Variants in CDH23 observed in about 807,000 individuals in gnomAD.
CDH23 encodes cadherin-23.
Under a neutral mutation model 317.1 loss-of-function variants are expected in CDH23, and 189 were observed. The ratio of observed to expected loss-of-function variants is 0.60; its 90% CI spans 0.53 to 0.67. The LOEUF (loss-of-function observed/expected upper bound fraction) is 0.67. CDH23 is among the 30% of genes least tolerant of loss of function. The pLI is 0.00. For synonymous variants in CDH23, 1,839 were observed against 1,876.8 expected, an observed-to-expected ratio of 0.98 and a Z score of 0.52; for missense variants, 4,401 against 4,592.4, an observed-to-expected ratio of 0.96 and a Z score of 1.20.
At chr10:71,716,394 C>A in intron 28 of CDH23, 1 of 1,424,886 alleles carries the variant, frequency 7.0e-7, no homozygotes, top group Non-Finnish European at 9.3e-7. Flanking sequence ...GGACCCAGGG[C>A]AGCGGGTATA....
Position 71,548,315 on chromosome 10 carries a change from T to C in CDH23, c.430-18427T>C, listed in dbSNP as rs553556946. Among the ~76,000 whole-genome samples the C allele has an allele frequency of 2.0e-5, 3 of 152,276 alleles. No homozygotes were observed. The South Asian group carries it at 6.2e-4, about 32-fold the overall frequency. On this transcript the variant is annotated intron_variant, in intron 6 of 69. Coordinates refer to ENST00000224721, the MANE Select transcript of CDH23 (RefSeq NM_022124.6). ...CGTGGTGGAGGGGGGTGATGGCATA[T>C]GGACTTGAGCTCCTAATCCAGTGGC...
intron 14 of CDH23, among the ~76,000 whole-genome samples, chr10:71,671,737 C>A (rs967169388): frequency 6.6e-6 from 1 of 152,138 alleles, no homozygotes; most frequent in Non-Finnish European, 1.5e-5. Flanking sequence ...TGGGGGGCTG[C>A]TCTGGGAATA....
At chr10:71,523,118 A>T (rs1002053041) in intron 6 of CDH23, among the ~76,000 whole-genome samples, 1 of 152,164 alleles carries the variant, frequency 6.6e-6, no homozygotes, top group Non-Finnish European at 1.5e-5. Flanking sequence ...AGGTGGAAGC[A>T]GGGAGGGTGT....
intron 38 of CDH23, among the ~76,000 whole-genome samples, chr10:71,772,376 A>G (rs553059428): frequency 1.3e-5 from 2 of 152,170 alleles, no homozygotes; most frequent in East Asian, 3.9e-4. Context: ...GAGTCCCTGC[A>G]TGACTCATAC....
At chr10:71,417,372 C>T (rs969773705) in intron 1 of CDH23, among the ~76,000 whole-genome samples, 2 of 152,066 alleles carry the variant, frequency 1.3e-5, no homozygotes, top group Admixed American at 6.6e-5. Context: ...CCACCGTGCC[C>T]GACCTTGCCT....
At position 71,544,329 on chromosome 10, in the gene CDH23, G is replaced by A. The variant is rs147354226; in HGVS notation, c.430-22413G>A. Among the ~76,000 whole-genome samples, 71 of 152,336 alleles carry A rather than the reference G, an allele frequency of 4.7e-4. 1 individual carries two copies. Among genetic ancestry groups the A allele is most frequent in the Admixed American group, 2.4e-3 (36 of 15,306 alleles). The stretch of plus-strand genomic sequence containing the variant: ...GCGGAAAACAACTCTAATAACAGGG[G>A]AAGTTTCCAGAGGTGGAAGCAGGCT... On this transcript the variant is annotated intron_variant, in intron 6 of 69. Coordinates refer to ENST00000224721, the MANE Select transcript of CDH23 (RefSeq NM_022124.6).
At chr10:71,723,295 G>A (rs1351260000) in intron 28 of CDH23, among the ~76,000 whole-genome samples, 1 of 152,154 alleles carries the variant, frequency 6.6e-6, no homozygotes, top group Non-Finnish European at 1.5e-5. Flanking sequence ...TTCAGTTATT[G>A]GCTTGACAGG....
At chr10:71,675,618 A>G (rs980841673) in intron 15 of CDH23, among the ~76,000 whole-genome samples, 3 of 152,148 alleles carry the variant, frequency 2.0e-5, no homozygotes, top group African/African-American at 7.2e-5. Flanking sequence ...TCCCCACTTT[A>G]CAGATGAGGA....
Position 71,814,932 on chromosome 10 carries a change from G to A in CDH23, c.9739-20G>A, listed in dbSNP as rs776240384. The A allele has an allele frequency of 6.3e-7, 1 of 1,592,760 alleles. No individual in the cohort carries two copies. Among genetic ancestry groups the A allele is most frequent in the Non-Finnish European group, 8.6e-7 (1 of 1,167,426 alleles). ...CCTTGGGCATGGCCCTGAGCATGTG[G>A]GGGTCCCGGCCTCTTGCAGCTGATA... On this transcript the variant is annotated intron_variant, in intron 69 of 69. Coordinates refer to ENST00000224721, the MANE Select transcript of CDH23 (RefSeq NM_022124.6).
intron 3 of CDH23, among the ~76,000 whole-genome samples, chr10:71,468,527 C>A (rs1686916139): frequency 6.6e-6 from 1 of 152,208 alleles, no homozygotes; most frequent in South Asian, 2.1e-4. Context: ...CCCACACTTT[C>A]TAAGGGCCAT....
rs181275139 is a variant in CDH23, at chr10:71,702,196, G to A, written c.2572G>A (p.Val858Ile). ...HEAELMRKIV[V>I]SVTDCGRPPL... ...GGCCGAGCTGATGCGCAAAATCGTC[G>A]TCTCTGTTACTGACTGTATGGACCC... The change falls in exon 23 of 70, where the codon GTC becomes ATC. Residue 858 changes from valine (V) to isoleucine (I), a missense_variant. Physicochemically the swap from Val to Ile is conservative, Grantham distance 29. Transcript: ENST00000224721. 2.3e-4 allele frequency: 373 copies of A among 1,613,742 alleles called. 9 individuals carry two copies. The East Asian group carries it at 3.3e-3, about 14-fold the overall frequency.
intron 6 of CDH23, among the ~76,000 whole-genome samples, chr10:71,550,656 G>A (rs1295345588): frequency 6.6e-6 from 1 of 151,964 alleles, no homozygotes; most frequent in Non-Finnish European, 1.5e-5. Context: ...AACGTGTTGA[G>A]AATGAACAGC....
chr10:71,673,002 C>T (rs1032840329), intron 14 of CDH23, among the ~76,000 whole-genome samples: 1 of 152,162 alleles, frequency 6.6e-6, no homozygotes, highest in Non-Finnish European at 1.5e-5. Flanking sequence ...TGCTGTCTCT[C>T]CTCTACTTCC....
In CDH23 at chr10:71,528,945, T is replaced by G. The variant is rs80010066; in HGVS notation, c.429+17733T>G. 1.1e-4 allele frequency among the ~76,000 whole-genome samples: 17 copies of G among 152,354 alleles called. No homozygotes were observed. The East Asian group carries it at 3.3e-3, about 29-fold the overall frequency. ...TTGTTTCCTGTGTCCCCAAGCCCCCTGCTCACTGCTTTGTCTTTGGTTAGC... is the reference window on the plus strand; with the variant it reads ...TTGTTTCCTGTGTCCCCAAGCCCCCGGCTCACTGCTTTGTCTTTGGTTAGC... On this transcript the variant is annotated intron_variant, in intron 6 of 69. Coordinates refer to ENST00000224721, the MANE Select transcript of CDH23 (RefSeq NM_022124.6).
chr10:71,603,330 A>G (rs931737830), intron 9 of CDH23, among the ~76,000 whole-genome samples: 1 of 152,176 alleles, frequency 6.6e-6, no homozygotes, highest in Non-Finnish European at 1.5e-5. Flanking sequence ...AGATCATCAA[A>G]TATCAAACAC....
intron 6 of CDH23, among the ~76,000 whole-genome samples, chr10:71,562,344 G>A (rs769106844): frequency 8.5e-5 from 13 of 152,218 alleles, no homozygotes; most frequent in Non-Finnish European, 1.6e-4. Context: ...GGATTTGCAC[G>A]TTAATAGGAG....
intron 3 of CDH23, among the ~76,000 whole-genome samples, chr10:71,487,086 C>G (rs1852390231): frequency 1.3e-5 from 2 of 152,164 alleles, no homozygotes; most frequent in Admixed American, 1.3e-4. Context: ...GCTGTTTCCC[C>G]TGCCTGGAAT....
At chr10:71,748,127 T>G (rs946355777) in intron 38 of CDH23, 2 of 151,866 alleles carry the variant, frequency 1.3e-5, no homozygotes, top group Non-Finnish European at 2.9e-5. Flanking sequence ...GCCTCATTCA[T>G]GAGGCAGGAC....
Sources: allele counts gnomAD v4.1 joint callset (sites outside exome capture counted in the v4.1 genomes callset), GRCh38; gene constraint gnomAD v4.1.1; transcripts MANE v1.5; gene names NCBI Gene and HGNC (gene_info 2026-07-23, HGNC 2026-07-21).